Variants in BMS1 observed in about 807,000 individuals in gnomAD.
The protein encoded by BMS1 is BMS1 ribosome biogenesis factor.
BMS1 carries 53 observed loss-of-function variants against 138.7 expected under a neutral mutation model. That is an observed-to-expected ratio of 0.38 (90% CI 0.31 to 0.48). The LOEUF (loss-of-function observed/expected upper bound fraction) is 0.48. BMS1 is among the 20% of genes least tolerant of loss of function. BMS1 has a pLI of 0.97. For synonymous variants in BMS1, 504 were observed against 539.9 expected (o/e 0.93, Z 0.92); for missense variants, 1,360 against 1,565.5 (o/e 0.87, Z 2.22).
Position 42,798,600 on chromosome 10 carries a change from C to G in BMS1, c.2222C>G (p.Ala741Gly), listed in dbSNP as rs545682102. The G allele has an allele frequency of 2.5e-6, 4 of 1,614,180 alleles. No homozygotes were observed. The highest frequency in any genetic ancestry group is 2.2e-5 in the East Asian group (1 of 44,890). The change falls in exon 12 of 23, where the codon GCC (alanine) becomes GGC (glycine). Residue 741 changes from alanine (A) to glycine (G), a missense_variant. By Grantham distance (60) the Ala-to-Gly change is moderately conservative (BLOSUM62 0). This residue lies in a region of BMS1 where 697 missense variants were observed against 686.2 expected (regional missense o/e 1.02). Coordinates refer to ENST00000374518, the MANE Select transcript of BMS1 (RefSeq NM_014753.4). ...SLDCSRFLVE[A>G]PHDWDLEEVM... ...GACTGCTCCAGATTTCTTGTGGAGGCCCCCCATGACTGGGATTTAGAGGAG... is the reference window on the plus strand; with the variant it reads ...GACTGCTCCAGATTTCTTGTGGAGGGCCCCCATGACTGGGATTTAGAGGAG...
At chr10:42,803,290 C>G (rs763657764) in intron 13 of BMS1, among the ~76,000 whole-genome samples, 28 of 152,136 alleles carry the variant, frequency 1.8e-4, no homozygotes, top group Non-Finnish European at 2.6e-4. Context: ...AAATGTATAC[C>G]ACCATGCCTG....
chr10:42,827,336 T>A (rs780593851), intron 21 of BMS1, among the ~76,000 whole-genome samples: 39 of 152,316 alleles, frequency 2.6e-4, no homozygotes, highest in Middle Eastern at 3.4e-3. Flanking sequence ...TCAGGTATTC[T>A]GTTACAGCCA....
chr10:42,790,450 A>G lies in BMS1; in HGVS notation c.575A>G (p.Asn192Ser). ...VLTHLDSFKH[N>S]KQLKKTKKRL... The stretch of plus-strand genomic sequence containing the variant: ...ACCCACCTCGACTCCTTCAAGCATA[A>G]TAAGCAACTGAAGAAGACAAAGAAG... The change falls in exon 5 of 23, where the codon AAT becomes AGT. Residue 192 changes from asparagine (N) to serine (S), a missense_variant. Transcript: ENST00000374518. 2 of 1,614,004 alleles carry G rather than the reference A, an allele frequency of 1.2e-6. No individual in the cohort carries two copies. The highest frequency in any genetic ancestry group is 1.1e-5 in the South Asian group (1 of 91,078).
intron 1 of BMS1, among the ~76,000 whole-genome samples, chr10:42,783,931 T>A (rs1841243016): frequency 6.6e-6 from 1 of 152,210 alleles, no homozygotes; most frequent in African/African-American, 2.4e-5. Flanking sequence ...GATACCTGGG[T>A]CTGAGCTGTC....
intron 13 of BMS1, among the ~76,000 whole-genome samples, chr10:42,814,000 A>G (rs1842264270): frequency 6.6e-6 from 1 of 152,034 alleles, no homozygotes; most frequent in Admixed American, 6.5e-5. Context: ...TCTGGCCTCC[A>G]TGGCATTTGA....
intron 19 of BMS1, among the ~76,000 whole-genome samples, chr10:42,822,795 G>T (rs1254567627): frequency 6.6e-6 from 1 of 152,160 alleles, no homozygotes; most frequent in Admixed American, 6.5e-5. Flanking sequence ...AAAGCATCTG[G>T]GCTGCAGTCC....
chr10:42,802,191 G>A lies in BMS1; in HGVS notation c.2302G>A (p.Asp768Asn), dbSNP rs41302249. 0.014 allele frequency: 21,850 copies of A among 1,613,440 alleles called. 185 individuals carry two copies. Among genetic ancestry groups the A allele is most frequent in the Non-Finnish European group, 0.016 (18,300 of 1,179,610 alleles). The change falls in exon 13 of 23, where the codon GAT becomes AAT. Residue 768 changes from aspartate to asparagine, a missense_variant. Physicochemically the swap from Asp to Asn is conservative, Grantham distance 23. Coordinates refer to ENST00000374518, the MANE Select transcript of BMS1 (RefSeq NM_014753.4). Reference protein sequence around the residue: ...FVTGKWEDDKDAAKVLAEDEE... With the variant: ...FVTGKWEDDKNAAKVLAEDEE... ...GACTGGAAAGTGGGAAGATGATAAA[G>A]ATGCAGCCAAGGTCTTAGCAGAAGA...
chr10:42,825,733 A>G (rs1842619214), intron 21 of BMS1, among the ~76,000 whole-genome samples: 1 of 152,226 alleles, frequency 6.6e-6, no homozygotes, highest in Non-Finnish European at 1.5e-5. Context: ...TCATCTGCAA[A>G]TAGAGATAAT....
chr10:42,816,485 G>A, intron 13 of BMS1, 114 bp from the exon 14 acceptor site: 1 of 739,958 alleles, frequency 1.4e-6, no homozygotes, highest in South Asian at 2.1e-5. Flanking sequence ...GTAGTGACAG[G>A]AACAGTGAGA....
At chr10:42,811,520 CTTTTTCTTTTT>C (rs1460517604) in intron 13 of BMS1, among the ~76,000 whole-genome samples, 4 of 121,568 alleles carry the variant, frequency 3.3e-5, no homozygotes, top group Admixed American at 2.8e-4. Context: ...GTTGTATTTT[CTTTTTCTTTTT>C]TTTTTTTTTT....
chr10:42,790,470 A>G lies in BMS1; in HGVS notation c.595A>G (p.Lys199Glu). ...GCATAATAAGCAACTGAAGAAGACA[A>G]AGAAGCGATTAAAACACAGGTTCTG... ...FKHNKQLKKT[K>E]KRLKHRFWTE... Residue 199 changes from lysine to glutamate, a missense_variant, in exon 5 of 23, where the codon AAG becomes GAG. This residue lies in a region of BMS1 where 238 missense variants were observed against 311.1 expected (regional missense o/e 0.77). Coordinates refer to ENST00000374518, the MANE Select transcript of BMS1 (RefSeq NM_014753.4). The G allele has an allele frequency of 6.2e-7, 1 of 1,613,970 alleles. No homozygotes were observed. The highest frequency in any genetic ancestry group is 8.5e-7 in the Non-Finnish European group (1 of 1,179,864).
At chr10:42,806,156 A>T (rs1842005922) in intron 13 of BMS1, among the ~76,000 whole-genome samples, 1 of 152,176 alleles carries the variant, frequency 6.6e-6, no homozygotes, top group African/African-American at 2.4e-5. Context: ...CCTGTTCTGC[A>T]CAATAAAGCC....
chr10:42,825,125 C>T (rs1214504398), intron 21 of BMS1, among the ~76,000 whole-genome samples: 1 of 152,182 alleles, frequency 6.6e-6, no homozygotes, highest in Non-Finnish European at 1.5e-5. Context: ...TCTCCTGCCT[C>T]AGCCTCCCAA....
chr10:42,827,362 G>A (rs1842678752), intron 21 of BMS1, among the ~76,000 whole-genome samples: 1 of 152,188 alleles, frequency 6.6e-6, no homozygotes, highest in Non-Finnish European at 1.5e-5. Context: ...AATGGCCTGA[G>A]ACAGTGTAAC....
rs746398060 is a variant in BMS1, at chr10:42,817,472, G to A, written c.2558G>A (p.Gly853Glu). The change falls in exon 15 of 23, where the codon GGA becomes GAA. Residue 853 changes from glycine (G) to glutamate (E), a missense_variant. Coordinates refer to ENST00000374518, the MANE Select transcript of BMS1 (RefSeq NM_014753.4). ...AGCACATATTTTGATGATCTTAAAG[G>A]AGAAATGCAGAAACAAGCACAGGTG... Reference protein sequence around the residue: ...GESTYFDDLKGEMQKQAQLNR... With the variant: ...GESTYFDDLKEEMQKQAQLNR... 4 of 1,602,772 alleles carry A rather than the reference G, an allele frequency of 2.5e-6. No homozygotes were observed. The highest frequency in any genetic ancestry group is 3.4e-6 in the Non-Finnish European group (4 of 1,177,862).
chr10:42,806,041 T>G (rs989149689), intron 13 of BMS1, among the ~76,000 whole-genome samples: 1 of 152,100 alleles, frequency 6.6e-6, no homozygotes, highest in Non-Finnish European at 1.5e-5. Flanking sequence ...CTCAAGTGTG[T>G]GTTTGGAGGG....
chr10:42,821,029 T>C lies in BMS1; in HGVS notation c.3009+37T>C, dbSNP rs781231490. On this transcript the variant is annotated intron_variant, in intron 18 of 22. Transcript: ENST00000374518. ...GGATGATTTCTTTTACAGATTGGTT[T>C]GAGAAATATATCCTGGGTGTGGGTT... is the stretch of plus-strand genomic sequence containing the variant. 1.9e-5 allele frequency: 28 copies of C among 1,461,180 alleles called. No homozygotes were observed. In the African/African-American group the frequency reaches 3.8e-4, roughly 20 times the overall value. The allele number at this position is 1,461,180 out of a possible 1,614,324, so 90.5% of individuals were successfully genotyped here. A position where few individuals can be genotyped will look rare whatever the true frequency, so the allele number is the denominator to read the frequency against.
chr10:42,827,955 T>C (rs1842698489), intron 21 of BMS1, among the ~76,000 whole-genome samples: 1 of 152,236 alleles, frequency 6.6e-6, no homozygotes, highest in South Asian at 2.1e-4. Context: ...CTAATTTCTA[T>C]TAAAGCAATG....
Position 42,834,501 on chromosome 10 carries a change from A to T in BMS1, c.*3405A>T, listed in dbSNP as rs1842844078. On this transcript the variant is annotated 3_prime_UTR_variant, in exon 23 of 23. Transcript: ENST00000374518. The stretch of plus-strand genomic sequence containing the variant: ...CCATTATTCAGAGTCTTCAGCAAGG[A>T]CATTGTATTTTACTTGTGTCTCCTT... The T allele has an allele frequency of 6.6e-6, 1 of 152,038 alleles. No individual in the cohort carries two copies. Among genetic ancestry groups the T allele is most frequent in the African/African-American group, 2.4e-5 (1 of 41,400 alleles). The allele number at this position is 152,038 out of a possible 1,614,324, so 9.4% of individuals were successfully genotyped here.
Sources: gnomAD v4.1 joint callset for allele counts (sites outside exome capture counted in the v4.1 genomes callset) on GRCh38, gnomAD v4.1.1 for gene constraint, gnomAD v4.1.1 regional missense constraint, MANE v1.5 for transcripts, NCBI Gene and HGNC (gene_info 2026-07-23, HGNC 2026-07-21) for gene names.